Variants in TRPM5 observed in about 807,000 individuals in gnomAD.
TRPM5 encodes transient receptor potential cation channel subfamily M member 5.
A neutral mutation model predicts 124.9 loss-of-function variants in TRPM5; 121 were observed. That is an observed-to-expected ratio of 0.97 (90% CI 0.84 to 1.13). The LOEUF is 1.13. Among genes scored for constraint, TRPM5 ranks in the 50% most tolerant of loss-of-function variants. TRPM5 has a pLI of 0.00. For synonymous variants in TRPM5, 781 were observed against 700.5 expected, an observed-to-expected ratio of 1.11 and a Z score of -1.81; for missense variants, 1,643 against 1,589.1, an observed-to-expected ratio of 1.03 and a Z score of -0.58.
chr11:2,405,059 G>T lies in TRPM5; in HGVS notation c.3392-16C>A, dbSNP rs771881063. 1.9e-6 allele frequency: 3 copies of T among 1,606,062 alleles called. No individual in the cohort carries two copies. Among genetic ancestry groups the T allele is most frequent in the East Asian group, 2.2e-5 (1 of 44,774 alleles). On this transcript the variant is annotated splice_polypyrimidine_tract_variant and intron_variant, in intron 23 of 23. Transcript: ENST00000155858. ...TGCTGAGAGCCTGCTGGGAAGGAAGGCCCCCCTGAGCGGTGGGAACCAGCA... is the reference window on the plus strand; with the variant it reads ...TGCTGAGAGCCTGCTGGGAAGGAAGTCCCCCCTGAGCGGTGGGAACCAGCA...
chr11:2,417,739 C>T lies in TRPM5; in HGVS notation c.997G>A (p.Ala333Thr), dbSNP rs200160502. The T allele has an allele frequency of 7.0e-5, 111 of 1,596,190 alleles. No homozygotes were observed. The highest frequency in any genetic ancestry group is 8.8e-5 in the Non-Finnish European group (103 of 1,171,842). ...TGCCCGCCCTCACCTTTCACCAGCGCCTTCAGGATGACCGTGTCCAGCTCC... is the reference window on the plus strand; with the variant it reads ...TGCCCGCCCTCACCTTTCACCAGCGTCTTCAGGATGACCGTGTCCAGCTCC... Residue 333 changes from alanine to threonine, a missense_variant, in exon 7 of 24, where the codon GCG becomes ACG. Ala to Thr is a moderately conservative substitution (Grantham distance 58, BLOSUM62 0). Transcript: ENST00000155858.
At chr11:2,432,449 G>T in the TRPM5 span, among the ~76,000 whole-genome samples, 1 of 152,338 alleles carries the variant, frequency 6.6e-6, no homozygotes, top group Non-Finnish European at 1.5e-5. Context: ...CCCAATGGCT[G>T]ACTGCAGAGG....
At position 2,406,101 on chromosome 11, in the gene TRPM5, G is replaced by A. The variant is rs771144476; in HGVS notation, c.3252-10C>T. Reference sequence around the variant, plus strand: ...GGCAATGAAGTCCACTCTGCGGCAGGAGCAGGTGGTCAGGCTGTGGATGGC... The same window carrying A: ...GGCAATGAAGTCCACTCTGCGGCAGAAGCAGGTGGTCAGGCTGTGGATGGC... On this transcript the variant is annotated splice_polypyrimidine_tract_variant and intron_variant, in intron 21 of 23. Transcript: ENST00000155858. The A allele has an allele frequency of 1.9e-6, 3 of 1,610,812 alleles. No individual in the cohort carries two copies. Among genetic ancestry groups the A allele is most frequent in the Admixed American group, 3.3e-5 (2 of 60,028 alleles).
chr11:2,409,531 T>C (rs867052563), intron 18 of TRPM5, among the ~76,000 whole-genome samples: 21 of 151,940 alleles, frequency 1.4e-4, no homozygotes, highest in Admixed American at 3.9e-4. Context: ...GAGTGCAGAG[T>C]GGGGCAGGGG....
exon 10 of TRPM5, chr11:2,414,943 C>T: frequency 6.2e-7 from 1 of 1,606,004 alleles, no homozygotes; most frequent in Non-Finnish European, 8.5e-7. Flanking sequence ...CGTGGCGGTT[C>T]TGCAGCACGG....
At chr11:2,425,877 T>C (rs1254657241), upstream of TRPM5, among the ~76,000 whole-genome samples, 8 of 152,242 alleles carry the variant, frequency 5.3e-5, no homozygotes, top group African/African-American at 1.9e-4. Context: ...TCTTAGGCCA[T>C]AGATGGGGGA....
chr11:2,418,159 G>A lies in TRPM5; in HGVS notation c.906+8C>T. On this transcript the variant is annotated splice_region_variant and intron_variant, in intron 6 of 23. Coordinates refer to ENST00000155858, the Ensembl canonical transcript of TRPM5. ...GGTCGGGAGGACAGGGGAGGGGGCAGCACATACCAGCTTGGTCCAGCGCAC... is the reference window on the plus strand; with the variant it reads ...GGTCGGGAGGACAGGGGAGGGGGCAACACATACCAGCTTGGTCCAGCGCAC... 2 of 1,553,600 alleles carry A rather than the reference G, an allele frequency of 1.3e-6. No homozygotes were observed.
chr11:2,409,720 G>A (rs371040259), intron 18 of TRPM5, among the ~76,000 whole-genome samples: 15 of 152,268 alleles, frequency 9.9e-5, no homozygotes, highest in South Asian at 4.2e-4. Flanking sequence ...GCAGCTGAAC[G>A]GAGCCCAAGG....
chr11:2,414,943 C>G, exon 10 of TRPM5: 1 of 1,606,004 alleles, frequency 6.2e-7, no homozygotes, highest in Non-Finnish European at 8.5e-7. Context: ...CGTGGCGGTT[C>G]TGCAGCACGG....
the TRPM5 span, among the ~76,000 whole-genome samples, chr11:2,429,742 T>C: frequency 4.6e-5 from 7 of 152,036 alleles, 1 homozygote; most frequent in Middle Eastern, 0.01. This position sits in a 1 kb window ranked among gnomAD's most constrained non-coding sequence, Gnocchi z 8.4. Context: ...ATGATGGTGA[T>C]GATGATGATG....
At chr11:2,423,030 C>T (rs755625794) in exon 1 of TRPM5, 2 of 1,611,210 alleles carry the variant, frequency 1.2e-6, no homozygotes, top group East Asian at 2.2e-5. Flanking sequence ...CCTTGGACAT[C>T]CTGCATGGTG....
intron 20 of TRPM5, 38 bp downstream of exon 25, chr11:2,407,081 G>A (rs776313169): frequency 3.7e-5 from 37 of 1,013,360 alleles, no homozygotes; most frequent in South Asian, 8.6e-5. Context: ...CCGCCACCTC[G>A]GCCTCACCCA....
intron 19 of TRPM5, 108 bp from the exon 25 acceptor site, chr11:2,407,408 C>G (rs1850346350): frequency 9.1e-7 from 1 of 1,094,850 alleles, no homozygotes; most frequent in Admixed American, 2.7e-5. Flanking sequence ...GAAACTGAGG[C>G]CCAGCACTGC....
upstream of TRPM5, among the ~76,000 whole-genome samples, chr11:2,426,858 A>C (rs1317667880): frequency 6.6e-6 from 1 of 152,268 alleles, no homozygotes; most frequent in South Asian, 2.1e-4. Flanking sequence ...AGGATGCCCC[A>C]TCTCCCTGGG....
At chr11:2,435,978 G>A in the TRPM5 span, among the ~76,000 whole-genome samples, 92 of 152,348 alleles carry the variant, frequency 6.0e-4, no homozygotes, top group African/African-American at 2.1e-3. This position sits in a 1 kb window ranked among gnomAD's most constrained non-coding sequence, Gnocchi z 4.1. Flanking sequence ...CCCCAAGAGC[G>A]TAGGCAGTTC....
At chr11:2,417,727 C>A in exon 7 of TRPM5, 1 of 1,584,242 alleles carries the variant, frequency 6.3e-7, no homozygotes, top group Non-Finnish European at 8.6e-7. Flanking sequence ...CCGCCCTCAC[C>A]TTTCACCAGC....
rs1031303798 is a variant in TRPM5 at position 2,414,638 on chromosome 11, G to A, written c.1744+77C>T. The A allele has an allele frequency of 1.9e-5, 28 of 1,461,964 alleles. No homozygotes were observed. The South Asian group carries it at 3.6e-4, about 19-fold the overall frequency. The allele number at this position is 1,461,964 out of a possible 1,614,324, so 90.6% of individuals were successfully genotyped here. ...GGCGGTAACAGGCAGCCCTGGCGAGGCCCAGGACCCTTCGTCCGACCCCTC... is the reference window on the plus strand; with the variant it reads ...GGCGGTAACAGGCAGCCCTGGCGAGACCCAGGACCCTTCGTCCGACCCCTC... On this transcript the variant is annotated intron_variant, in intron 11 of 23. Transcript: ENST00000155858.
At chr11:2,412,239 G>A (rs370954631) in exon 16 of TRPM5, 29 of 1,612,826 alleles carry the variant, frequency 1.8e-5, no homozygotes, top group African/African-American at 5.4e-5. Flanking sequence ...GTGTGTCCTC[G>A]TCTGTGAAGA....
the TRPM5 span, among the ~76,000 whole-genome samples, chr11:2,436,308 AGG>A: frequency 9.9e-5 from 15 of 152,214 alleles, no homozygotes; most frequent in South Asian, 2.1e-4. Flanking sequence ...TGGGCTTCAG[AGG>A]GTGAGCCCCC....
Sources: allele counts gnomAD v4.1 joint callset (sites outside exome capture counted in the v4.1 genomes callset), GRCh38; gene constraint gnomAD v4.1.1; non-coding constraint Gnocchi (gnomAD v3.1); transcripts MANE v1.5; gene names NCBI Gene and HGNC (gene_info 2026-07-23, HGNC 2026-07-21).